The following PCDHGB1 variants were observed in gnomAD, a reference collection of about 807,000 sequenced individuals.
PCDHGB1 encodes protocadherin gamma subfamily B, 1, also known as protocadherin gamma-B1.
In PCDHGB1, 34 loss-of-function variants were observed where a neutral mutation model predicts 56.6. The observed-to-expected ratio is 0.60, with a 90% CI of 0.46 to 0.80. PCDHGB1 has a LOEUF of 0.80. Among genes scored for constraint, PCDHGB1 ranks in the 30% least tolerant of loss-of-function variants. The pLI is 0.00. For missense variants in PCDHGB1, 1,278 were observed against 1,204.6 expected, an observed-to-expected ratio of 1.06 and a Z score of -0.90; for synonymous variants, 561 against 505.9, an observed-to-expected ratio of 1.11 and a Z score of -1.46.
intron 2 of PCDHGB1, 114 bp from the exon 3 acceptor site, chr5:141,505,279 C>T: frequency 6.5e-7 from 1 of 1,541,274 alleles, no homozygotes; most frequent in Non-Finnish European, 8.7e-7. Context: ...AGAAACAGGT[C>T]TTGGGCATGG....
In PCDHGB1 at chr5:141,365,130, C is replaced by T. The variant is rs766093939; in HGVS notation, c.2409+12461C>T. 5 of 1,613,878 alleles carry T rather than the reference C, an allele frequency of 3.1e-6. No individual in the cohort carries two copies. In the South Asian group the frequency reaches 3.3e-5, roughly 11 times the overall value. On this transcript the variant is annotated intron_variant, in intron 1 of 3. Coordinates refer to ENST00000523390, the MANE Select transcript of PCDHGB1 (RefSeq NM_018922.3). ...ACTCGGCTGCTCATGCTAACCGCCA[C>T]GGATCCAGATGAGGGAATAAACGGG...
Position 141,505,474 on chromosome 5 carries a change from C to T in PCDHGB1, c.2550C>T (p.Ser850=), listed in dbSNP as rs751690779. The stretch of plus-strand genomic sequence containing the variant: ...TGCTGCAAGCCATGATCTTGGCGTC[C>T]GCCAGTGGTAAGTGGTGTCAGTGTG... ...TEMLQAMILA[S]ASEAADGSST... Residue 850 remains serine, a synonymous_variant, in exon 3 of 4, where the codon TCC becomes TCT. Transcript: ENST00000523390. 2.2e-5 allele frequency: 36 copies of T among 1,614,090 alleles called. No individual in the cohort carries two copies. The highest frequency in any genetic ancestry group is 5.3e-5 in the African/African-American group (4 of 74,934).
At chr5:141,423,485 C>T (rs752918607) in intron 1 of PCDHGB1, 30 of 1,613,840 alleles carry the variant, frequency 1.9e-5, no homozygotes, top group Non-Finnish European at 2.2e-5. Context: ...TTCCTGCAAA[C>T]CTATTCCCAC....
intron 1 of PCDHGB1, chr5:141,405,379 G>T: frequency 1.2e-6 from 2 of 1,606,832 alleles, no homozygotes; most frequent in Non-Finnish European, 1.7e-6. Flanking sequence ...TGGTTCCGGT[G>T]AGTTCATTTT....
chr5:141,406,600 G>A (rs1172246444), intron 1 of PCDHGB1, among the ~76,000 whole-genome samples: 2 of 152,144 alleles, frequency 1.3e-5, no homozygotes, highest in African/African-American at 4.8e-5. Flanking sequence ...AATGGTGAAA[G>A]TTGTCACATC....
chr5:141,408,302 C>T (rs1017556555), intron 1 of PCDHGB1: 1 of 1,613,780 alleles, frequency 6.2e-7, no homozygotes, highest in Non-Finnish European at 8.5e-7. Context: ...TGAGCCGATC[C>T]GCTACTCGAT....
chr5:141,399,958 G>A (rs2093927763), intron 1 of PCDHGB1: 5 of 1,612,004 alleles, frequency 3.1e-6, no homozygotes, highest in Non-Finnish European at 4.2e-6. Context: ...TAGCGAGCCC[G>A]GGCTCTTCAG....
chr5:141,476,230 G>A lies in PCDHGB1; in HGVS notation c.2410-18577G>A, dbSNP rs906283645. On this transcript the variant is annotated intron_variant, in intron 1 of 3. Coordinates refer to ENST00000523390, the MANE Select transcript of PCDHGB1 (RefSeq NM_018922.3). This position sits in a 1 kb window ranked among gnomAD's most constrained non-coding sequence, Gnocchi z 7.6. Reference sequence around the variant, plus strand: ...CCACGGTCATTCACTATGAGATCCCGGAGGAAAGAGAGAAGGGTTTCGCTG... The same window carrying A: ...CCACGGTCATTCACTATGAGATCCCAGAGGAAAGAGAGAAGGGTTTCGCTG... The A allele has an allele frequency of 1.2e-6, 2 of 1,614,040 alleles. No homozygotes were observed. Among genetic ancestry groups the A allele is most frequent in the Non-Finnish European group, 1.7e-6 (2 of 1,180,024 alleles).
At position 141,511,426 on chromosome 5, in the gene PCDHGB1, G is replaced by C. The variant is rs2099883789; in HGVS notation, c.*253G>C. 2.5e-6 allele frequency: 2 copies of C among 798,652 alleles called. No homozygotes were observed. The highest frequency in any genetic ancestry group is 3.8e-6 in the Non-Finnish European group (2 of 529,972). 49.5% of individuals were successfully genotyped at this position (798,652 alleles called of 1,614,324 possible). ...CAACTGCTGTACCCATGGGGGTAGTGGGGTTACTGTAGACACCAAGAACCA... is the reference window on the plus strand; with the variant it reads ...CAACTGCTGTACCCATGGGGGTAGTCGGGTTACTGTAGACACCAAGAACCA... On this transcript the variant is annotated 3_prime_UTR_variant, in exon 4 of 4. Transcript: ENST00000523390.
rs1561499070 is a variant in PCDHGB1 at position 141,351,030 on chromosome 5, C to G, written c.770C>G (p.Ser257Cys). 1 of 1,614,068 alleles carries G rather than the reference C, an allele frequency of 6.2e-7. No individual in the cohort carries two copies. The highest frequency in any genetic ancestry group is 8.5e-7 in the Non-Finnish European group (1 of 1,179,906). Residue 257 changes from serine to cysteine, a missense_variant, in exon 1 of 4, where the codon TCC becomes TGC. Ser to Cys is a moderately radical substitution (Grantham distance 112). Coordinates refer to ENST00000523390, the MANE Select transcript of PCDHGB1 (RefSeq NM_018922.3). ...CAAGAAAACGTACCGTGGGGAACCT[C>G]CGTGCTGCGGGTGATGGCCACAGAC... The part of the protein sequence containing the change: ...SLQENVPWGT[S>C]VLRVMATDQD...
At chr5:141,390,486 G>A (rs1348752991) in intron 1 of PCDHGB1, 3 of 649,258 alleles carry the variant, frequency 4.6e-6, no homozygotes, top group Non-Finnish European at 7.7e-6. Context: ...ACATTTGTTT[G>A]TTTTTTAGCC....
rs1456451105 is a variant in PCDHGB1 at position 141,477,377 on chromosome 5, C to T, written c.2410-17430C>T. Reference sequence around the variant, plus strand: ...TGCAGACCTGGATCGGGAGACTGTGCCAGAATACAACCTCAGCATCACCGC... The same window carrying T: ...TGCAGACCTGGATCGGGAGACTGTGTCAGAATACAACCTCAGCATCACCGC... On this transcript the variant is annotated intron_variant, in intron 1 of 3. Coordinates refer to ENST00000523390, the MANE Select transcript of PCDHGB1 (RefSeq NM_018922.3). This position sits in a 1 kb window ranked among gnomAD's most constrained non-coding sequence, Gnocchi z 4.9. 1 of 1,614,144 alleles carries T rather than the reference C, an allele frequency of 6.2e-7. No homozygotes were observed. Among genetic ancestry groups the T allele is most frequent in the South Asian group, 1.1e-5 (1 of 91,080 alleles).
rs1329435709 is a variant in PCDHGB1 at position 141,485,726 on chromosome 5, C to T, written c.2410-9081C>T. ...ACACTTTGCACTGGATGTGAAGAAGCGCAGCGACGGCAGCCTGGTCCCAGA... is the reference window on the plus strand; with the variant it reads ...ACACTTTGCACTGGATGTGAAGAAGTGCAGCGACGGCAGCCTGGTCCCAGA... On this transcript the variant is annotated intron_variant, in intron 1 of 3. Coordinates refer to ENST00000523390, the MANE Select transcript of PCDHGB1 (RefSeq NM_018922.3). This position sits in a 1 kb window ranked among gnomAD's most constrained non-coding sequence, Gnocchi z 5.7. 2 of 1,614,138 alleles carry T rather than the reference C, an allele frequency of 1.2e-6. No homozygotes were observed. The highest frequency in any genetic ancestry group is 8.5e-7 in the Non-Finnish European group (1 of 1,180,024).
intron 1 of PCDHGB1, chr5:141,378,892 G>A (rs1477205995): frequency 1.3e-5 from 2 of 152,204 alleles, no homozygotes; most frequent in Non-Finnish European, 2.9e-5. Context: ...AAGGAGATAG[G>A]AGATTCTGTT....
At chr5:141,472,807 G>T (rs573078292) in intron 1 of PCDHGB1, among the ~76,000 whole-genome samples, 43 of 151,782 alleles carry the variant, frequency 2.8e-4, no homozygotes, top group African/African-American at 1.0e-3. Flanking sequence ...CCAACATGGA[G>T]AAACCCCCGT....
chr5:141,395,542 T>TTGTTTG lies in PCDHGB1; in HGVS notation c.2409+42876_2409+42877insTTGTGT, dbSNP rs1267535064. On this transcript the variant is annotated intron_variant, in intron 1 of 3. Coordinates refer to ENST00000523390, the MANE Select transcript of PCDHGB1 (RefSeq NM_018922.3). ...TCCATACTGGTAATTTTGCTATTGTTTGTGTGTGTGTGTGTGTGTGTGTGT... is the reference window on the plus strand; with the variant it reads ...TCCATACTGGTAATTTTGCTATTGTTTGTTTGTGTGTGTGTGTGTGTGTGTGTGTGT... 2.4e-3 allele frequency: 418 copies of TTGTTTG among 172,622 alleles called. 4 individuals carry two copies. The highest frequency in any genetic ancestry group is 0.019 in the African/African-American group (326 of 17,544). The allele number at this position is 172,622 out of a possible 1,614,324, so 10.7% of individuals were successfully genotyped here.
chr5:141,418,018 T>C, intron 1 of PCDHGB1: 1 of 1,613,868 alleles, frequency 6.2e-7, no homozygotes, highest in Non-Finnish European at 8.5e-7. Flanking sequence ...TCGCTAAGGA[T>C]CTAGGGCTTA....
rs759005567 is a variant in PCDHGB1, at chr5:141,352,557, T to G, written c.2297T>G (p.Leu766Arg). The change falls in exon 1 of 4, where the codon CTG becomes CGG. Residue 766 changes from leucine to arginine, a missense_variant. Leu to Arg is a moderately radical substitution (Grantham distance 102). Coordinates refer to ENST00000523390, the MANE Select transcript of PCDHGB1 (RefSeq NM_018922.3). ...SAKTEFNSLN[L>R]TPEMAPPQDL... The stretch of plus-strand genomic sequence containing the variant: ...AAGACAGAGTTTAATTCTCTCAACC[T>G]GACACCGGAAATGGCTCCCCCTCAG... The G allele has an allele frequency of 6.2e-7, 1 of 1,613,974 alleles. No homozygotes were observed. Among genetic ancestry groups the G allele is most frequent in the South Asian group, 1.1e-5 (1 of 91,074 alleles).
rs755177334 is a variant in PCDHGB1, at chr5:141,403,403, C to A, written c.2409+50734C>A. On this transcript the variant is annotated intron_variant, in intron 1 of 3. Coordinates refer to ENST00000523390, the MANE Select transcript of PCDHGB1 (RefSeq NM_018922.3). ...TAACGAAATCGCGGTTCCTGGAGCA[C>A]GTTATCCACTTCCAGAAGCTATTGA... 6.2e-6 allele frequency: 10 copies of A among 1,613,948 alleles called. 1 individual carries two copies. The South Asian group carries it at 1.1e-4, about 18-fold the overall frequency.
Sources: allele counts gnomAD v4.1 joint callset (sites outside exome capture counted in the v4.1 genomes callset), GRCh38; gene constraint gnomAD v4.1.1; non-coding constraint Gnocchi (gnomAD v3.1); transcripts MANE v1.5; gene names NCBI Gene and HGNC (gene_info 2026-07-23, HGNC 2026-07-21).